Variants in MAP3K20 observed in about 807,000 individuals in gnomAD.
MAP3K20 encodes the protein HCCS-4.
MAP3K20 carries 40 observed loss-of-function variants against 85.7 expected under a neutral mutation model. That is an observed-to-expected ratio of 0.47 (90% CI 0.36 to 0.61). MAP3K20 has a LOEUF of 0.61. Among genes scored for constraint, MAP3K20 ranks in the 20% least tolerant of loss-of-function variants. MAP3K20 has a pLI of 0.00. For synonymous variants in MAP3K20, 325 were observed against 327.7 expected (o/e 0.99, Z 0.09); for missense variants, 817 against 961.7 (o/e 0.85, Z 1.99).
intron 2 of MAP3K20, among the ~76,000 whole-genome samples, chr2:173,129,632 G>A (rs1357079572): frequency 2.0e-5 from 3 of 152,212 alleles, no homozygotes; most frequent in Non-Finnish European, 2.9e-5. Context: ...CTGAGTCCTG[G>A]TCTGACTAGA....
intron 2 of MAP3K20, among the ~76,000 whole-genome samples, chr2:173,148,825 G>C (rs573363383): frequency 6.6e-6 from 1 of 152,336 alleles, no homozygotes; most frequent in South Asian, 2.1e-4. Flanking sequence ...TAGCTCTGAG[G>C]TGTGAGATTG....
intron 3 of MAP3K20, among the ~76,000 whole-genome samples, 176 bp downstream of exon 3, chr2:173,170,068 G>A (rs1443408902): frequency 1.3e-5 from 2 of 152,122 alleles, no homozygotes; most frequent in Non-Finnish European, 2.9e-5. Context: ...TAAGAATAGT[G>A]TTTCCACTTC....
intron 2 of MAP3K20, among the ~76,000 whole-genome samples, chr2:173,146,455 A>C (rs1458852052): frequency 6.6e-6 from 1 of 152,206 alleles, no homozygotes. Context: ...TGTACAATTA[A>C]GTGTTTTATA....
intron 2 of MAP3K20, among the ~76,000 whole-genome samples, chr2:173,158,642 A>G (rs960261076): frequency 7.9e-5 from 12 of 152,214 alleles, no homozygotes; most frequent in Admixed American, 5.2e-4. Flanking sequence ...AGACATAGGA[A>G]TTTACTCATA....
rs147113074 is a variant in MAP3K20, at chr2:173,091,097, C to T, written c.66C>T (p.Cys22=). Residue 22 remains cysteine (C), a synonymous_variant, in exon 2 of 20, where the codon TGC becomes TGT. Coordinates refer to ENST00000375213, the MANE Select transcript of MAP3K20 (RefSeq NM_016653.3). ...KFDDLQFFEN[C]GGGSFGSVYR... ...ATGACTTGCAGTTTTTTGAAAACTGCGGTGGAGGAAGTTTTGGGAGTGTTT... is the reference window on the plus strand; with the variant it reads ...ATGACTTGCAGTTTTTTGAAAACTGTGGTGGAGGAAGTTTTGGGAGTGTTT... The T allele has an allele frequency of 4.9e-4, 794 of 1,613,058 alleles. 1 individual carries two copies. The highest frequency in any genetic ancestry group is 4.9e-3 in the African/African-American group (367 of 74,806).
chr2:173,210,707 C>T (rs991428714), intron 10 of MAP3K20: 1 of 152,132 alleles, frequency 6.6e-6, no homozygotes, highest in Admixed American at 6.5e-5. Flanking sequence ...ATTATTCCCC[C>T]CCTGACTCAG....
chr2:173,258,885 C>A, intron 17 of MAP3K20, 70 bp downstream of exon 17: 1 of 1,004,226 alleles, frequency 1.0e-6, no homozygotes, highest in East Asian at 2.4e-5. Context: ...TTAAAATACC[C>A]CAGCAGTGTG....
At chr2:173,176,288 T>C (rs1690151699) in intron 3 of MAP3K20, among the ~76,000 whole-genome samples, 1 of 152,100 alleles carries the variant, frequency 6.6e-6, no homozygotes, top group South Asian at 2.1e-4. Flanking sequence ...TTTTTCTACC[T>C]TTAAAATAAA....
chr2:173,144,143 AAAAT>A (rs1451624924), intron 2 of MAP3K20, among the ~76,000 whole-genome samples: 1 of 152,044 alleles, frequency 6.6e-6, no homozygotes, highest in Non-Finnish European at 1.5e-5. Context: ...AAAAAAAATA[AAAAT>A]AAAGAAAGGA....
chr2:173,180,963 C>G (rs753198855), intron 3 of MAP3K20, among the ~76,000 whole-genome samples: 4 of 151,950 alleles, frequency 2.6e-5, no homozygotes, highest in Non-Finnish European at 5.9e-5. Flanking sequence ...AAATGACAAA[C>G]TGGGAAAAAA....
intron 2 of MAP3K20, among the ~76,000 whole-genome samples, chr2:173,164,462 G>A (rs560293626): frequency 5.3e-5 from 8 of 152,142 alleles, no homozygotes; most frequent in Non-Finnish European, 1.2e-4. Flanking sequence ...AGACCTGTGT[G>A]AGATGCATAG....
chr2:173,098,053 C>G (rs1036387717), intron 2 of MAP3K20, among the ~76,000 whole-genome samples: 3 of 151,958 alleles, frequency 2.0e-5, no homozygotes, highest in Non-Finnish European at 4.4e-5. Context: ...AAATATTTCC[C>G]CCTGACCCAA....
At chr2:173,189,589 A>G (rs1410138313) in intron 5 of MAP3K20, among the ~76,000 whole-genome samples, 1 of 152,186 alleles carries the variant, frequency 6.6e-6, no homozygotes, top group Non-Finnish European at 1.5e-5. Flanking sequence ...TTTTTAAGAC[A>G]CTAAAATATA....
At chr2:173,097,810 G>A (rs969224273) in intron 2 of MAP3K20, among the ~76,000 whole-genome samples, 14 of 152,072 alleles carry the variant, frequency 9.2e-5, no homozygotes, top group Admixed American at 6.5e-4. Flanking sequence ...ATACCTGTGT[G>A]AAATAGGAAA....
At chr2:173,129,514 A>G (rs1258264844) in intron 2 of MAP3K20, among the ~76,000 whole-genome samples, 2 of 152,222 alleles carry the variant, frequency 1.3e-5, no homozygotes, top group African/African-American at 4.8e-5. Flanking sequence ...GCATCTTACA[A>G]TCCATGAATA....
chr2:173,168,587 A>G (rs1373738849), intron 2 of MAP3K20, among the ~76,000 whole-genome samples: 2 of 152,156 alleles, frequency 1.3e-5, no homozygotes, highest in Non-Finnish European at 2.9e-5. Flanking sequence ...CTTTCTGACC[A>G]AAGTGTCTCC....
At chr2:173,249,511 G>A (rs189020486) in intron 16 of MAP3K20, among the ~76,000 whole-genome samples, 7 of 152,198 alleles carry the variant, frequency 4.6e-5, no homozygotes, top group African/African-American at 1.4e-4. Flanking sequence ...ATATTTCTTC[G>A]AGTCACCCCT....
chr2:173,104,971 G>A (rs1687743404), intron 2 of MAP3K20, among the ~76,000 whole-genome samples: 1 of 151,766 alleles, frequency 6.6e-6, no homozygotes, highest in Admixed American at 6.5e-5. Context: ...TAGCTGGAGT[G>A]GAGTGTGTGA....
chr2:173,263,834 A>G lies in MAP3K20; in HGVS notation c.1641A>G (p.Gln547=). The G allele has an allele frequency of 6.2e-7, 1 of 1,613,700 alleles. No homozygotes were observed. Among genetic ancestry groups the G allele is most frequent in the Non-Finnish European group, 8.5e-7 (1 of 1,179,922 alleles). ...TKPQDEVKAV[Q]LAIQTLFTNS... is the part of the protein sequence containing the mutation. The stretch of plus-strand genomic sequence containing the variant: ...CTCAGGATGAAGTGAAAGCAGTCCA[A>G]CTTGCCATTCAGACATTATTCACCA... The change falls in exon 19 of 20, where the codon CAA becomes CAG. Residue 547 remains glutamine, a synonymous_variant. Coordinates refer to ENST00000375213, the MANE Select transcript of MAP3K20 (RefSeq NM_016653.3).
Sources: allele counts gnomAD v4.1 joint callset (sites outside exome capture counted in the v4.1 genomes callset), GRCh38; gene constraint gnomAD v4.1.1; transcripts MANE v1.5; gene names NCBI Gene and HGNC (gene_info 2026-07-23, HGNC 2026-07-21).